Variants in GRHL2 observed in about 807,000 individuals in gnomAD.
GRHL2 encodes the protein grainyhead like transcription factor 2, also known as grainyhead-like protein 2 homolog.
A neutral mutation model predicts 83.8 loss-of-function variants in GRHL2; 21 were observed. The ratio of observed to expected loss-of-function variants is 0.25; its 90% CI spans 0.18 to 0.36. The LOEUF (loss-of-function observed/expected upper bound fraction) is 0.36, where lower values mean the gene tolerates loss of function less well. Among genes scored for constraint, GRHL2 ranks in the 10% least tolerant of loss-of-function variants. GRHL2 has a pLI of 1.00. For synonymous variants in GRHL2, 280 were observed against 278.9 expected, an observed-to-expected ratio of 1.00 and a Z score of -0.04; for missense variants, 623 against 781.8, an observed-to-expected ratio of 0.80 and a Z score of 2.42.
chr8:101,620,100 G>A (rs1812934483), intron 9 of GRHL2, among the ~76,000 whole-genome samples: 1 of 152,124 alleles, frequency 6.6e-6, no homozygotes, highest in African/African-American at 2.4e-5. Context: ...GCAGACAGCT[G>A]CCTTCTCACT....
chr8:101,660,254 T>C (rs1237647946), intron 14 of GRHL2, among the ~76,000 whole-genome samples: 2 of 151,988 alleles, frequency 1.3e-5, no homozygotes, highest in African/African-American at 4.9e-5. Context: ...CAATAGTGCT[T>C]TTTATCATTA....
chr8:101,559,555 A>C (rs1192453999), intron 4 of GRHL2, among the ~76,000 whole-genome samples: 2 of 152,014 alleles, frequency 1.3e-5, no homozygotes, highest in Non-Finnish European at 2.9e-5. Flanking sequence ...CAAACCAATA[A>C]AACTTTAAAA....
At chr8:101,509,187 T>TCTTTCTTCTTTCTTTC (rs5893565) in intron 1 of GRHL2, among the ~76,000 whole-genome samples, 1 of 21,052 alleles carries the variant, frequency 4.8e-5, no homozygotes, top group African/African-American at 8.1e-5. Flanking sequence ...TTTCTTTCTT[T>TCTTTCTTCTTTCTTTC]TCTCTCTTTC....
intron 3 of GRHL2, among the ~76,000 whole-genome samples, chr8:101,554,535 T>C (rs1486048551): frequency 7.2e-6 from 1 of 138,496 alleles, no homozygotes; most frequent in Non-Finnish European, 1.5e-5. Context: ...AAAAAAAAAC[T>C]GCAGTGAAGT....
In GRHL2 at chr8:101,591,780, C is replaced by G. The variant is rs117814555; in HGVS notation, c.1004-7277C>G. The stretch of plus-strand genomic sequence containing the variant: ...AGAGGTGATAAAGGCTTCACATAGG[C>G]TTGGCATGAGCTTGTAAGTTCTCTG... On this transcript the variant is annotated intron_variant, in intron 7 of 15. Transcript: ENST00000646743. Among the ~76,000 whole-genome samples, 15 of 152,270 alleles carry G rather than the reference C, an allele frequency of 9.9e-5. 1 individual carries two copies. The East Asian group carries it at 2.9e-3, about 29-fold the overall frequency.
chr8:101,674,578 C>T (rs529689259), downstream of GRHL2, among the ~76,000 whole-genome samples: 1 of 152,082 alleles, frequency 6.6e-6, no homozygotes, highest in Non-Finnish European at 1.5e-5. Context: ...AGCTTACCAA[C>T]CAAAAAAAGT....
At chr8:101,654,953 C>T (rs184013940) in intron 14 of GRHL2, among the ~76,000 whole-genome samples, 12 of 152,168 alleles carry the variant, frequency 7.9e-5, no homozygotes, top group African/African-American at 2.2e-4. Context: ...GAGGTTGAGG[C>T]GGGCAGATCA....
chr8:101,537,718 C>T (rs899813242), intron 1 of GRHL2, among the ~76,000 whole-genome samples: 1 of 152,150 alleles, frequency 6.6e-6, no homozygotes, highest in Non-Finnish European at 1.5e-5. Context: ...CATCTAAATT[C>T]ACTCATTGAT....
intron 9 of GRHL2, 132 bp downstream of exon 9, chr8:101,619,829 G>A: frequency 1.5e-6 from 1 of 654,144 alleles, no homozygotes; most frequent in South Asian, 2.0e-5. Flanking sequence ...CAGTGGGAGT[G>A]GTAATCTTCT....
intron 8 of GRHL2, among the ~76,000 whole-genome samples, chr8:101,612,031 G>A (rs1812760488): frequency 6.6e-6 from 1 of 150,668 alleles, no homozygotes; most frequent in Admixed American, 6.6e-5. Flanking sequence ...TGTCACCTAG[G>A]CTGGATGGAG....
chr8:101,561,401 C>T (rs1285692746), intron 4 of GRHL2, among the ~76,000 whole-genome samples: 1 of 152,138 alleles, frequency 6.6e-6, no homozygotes, highest in East Asian at 1.9e-4. Context: ...TAGTGTCATT[C>T]CAGGCAAAGA....
At chr8:101,577,593 C>A (rs995117516) in intron 7 of GRHL2, 74 bp downstream of exon 7, 5 of 982,682 alleles carry the variant, frequency 5.1e-6, no homozygotes, top group Non-Finnish European at 8.0e-6. Flanking sequence ...GGGAGCCTGG[C>A]GTAGTAATCA....
intron 7 of GRHL2, among the ~76,000 whole-genome samples, chr8:101,591,709 A>T (rs1407307341): frequency 6.6e-6 from 1 of 152,200 alleles, no homozygotes; most frequent in South Asian, 2.1e-4. Flanking sequence ...TCGCTGTGGG[A>T]GGAAGATGCT....
intron 2 of GRHL2, among the ~76,000 whole-genome samples, chr8:101,547,989 T>C (rs1175681520): frequency 6.6e-6 from 1 of 152,248 alleles, no homozygotes; most frequent in African/African-American, 2.4e-5. Context: ...TTACTTTATG[T>C]AACTTTATTT....
intron 6 of GRHL2, among the ~76,000 whole-genome samples, chr8:101,576,810 A>G (rs1478510292): frequency 1.3e-5 from 2 of 152,222 alleles, no homozygotes; most frequent in Non-Finnish European, 2.9e-5. Context: ...TTTAAAGTGC[A>G]TCCACTTTAG....
chr8:101,581,623 G>A (rs779783102), intron 7 of GRHL2, among the ~76,000 whole-genome samples: 102 of 152,122 alleles, frequency 6.7e-4, no homozygotes, highest in Non-Finnish European at 1.3e-3. Flanking sequence ...AGTTAACACC[G>A]GTTTGAGGAA....
intron 9 of GRHL2, among the ~76,000 whole-genome samples, chr8:101,625,062 G>C (rs1328854429): frequency 6.6e-6 from 1 of 152,118 alleles, no homozygotes; most frequent in Non-Finnish European, 1.5e-5. Context: ...TTCAAATGAT[G>C]TATAACAGAT....
At chr8:101,672,252 C>A (rs951228310), downstream of GRHL2, among the ~76,000 whole-genome samples, 5 of 151,618 alleles carry the variant, frequency 3.3e-5, no homozygotes, top group African/African-American at 1.2e-4. Context: ...GATCAAACTA[C>A]TCCGAGCTAC....
chr8:101,598,170 CATAAA>C (rs1563599763), intron 7 of GRHL2, among the ~76,000 whole-genome samples: 1 of 151,168 alleles, frequency 6.6e-6, no homozygotes, highest in Non-Finnish European at 1.5e-5. Flanking sequence ...CAAATAAAGT[CATAAA>C]ATAAGAGAAG....
Sources: gnomAD v4.1 joint callset for allele counts (sites outside exome capture counted in the v4.1 genomes callset) on GRCh38, gnomAD v4.1.1 for gene constraint, MANE v1.5 for transcripts, NCBI Gene and HGNC (gene_info 2026-07-23, HGNC 2026-07-21) for gene names.